Variants in SNX6 observed in about 807,000 individuals in gnomAD.
SNX6 encodes sorting nexin-6.
In SNX6, 34 loss-of-function variants were observed where a neutral mutation model predicts 63.0. The observed-to-expected ratio is 0.54, with a 90% confidence interval of 0.41 to 0.72. SNX6 has a LOEUF of 0.72. Among genes scored for constraint, SNX6 ranks in the 30% least tolerant of loss-of-function variants. The probability of loss-of-function intolerance (pLI) is 0.00; values close to 1 mark genes in which losing one functional copy is unlikely to be tolerated. For synonymous variants in SNX6, 170 were observed against 164.2 expected (o/e 1.04, Z -0.27); for missense variants, 398 against 471.4 (o/e 0.84, Z 1.44).
chr14:34,630,079 TC>T, intron 1 of SNX6, 31 bp downstream of exon 1: 1 of 1,452,422 alleles, frequency 6.9e-7, no homozygotes, highest in African/African-American at 1.5e-5. Flanking sequence ...CCCACCGCGC[TC>T]CCGGGACTCG....
At chr14:34,619,182 G>A (rs1883532559) in intron 2 of SNX6, among the ~76,000 whole-genome samples, 3 of 152,152 alleles carry the variant, frequency 2.0e-5, no homozygotes, top group Admixed American at 1.3e-4. Context: ...CCAACACTTT[G>A]GGAGGCCAAG....
At chr14:34,598,151 A>T (rs544262200) in intron 6 of SNX6, among the ~76,000 whole-genome samples, 1 of 152,296 alleles carries the variant, frequency 6.6e-6, no homozygotes, top group Non-Finnish European at 1.5e-5. Flanking sequence ...TTAATAGCAC[A>T]AGGGACACAA....
chr14:34,573,873 C>T (rs1594698603), intron 11 of SNX6, among the ~76,000 whole-genome samples: 1 of 151,718 alleles, frequency 6.6e-6, no homozygotes, highest in Non-Finnish European at 1.5e-5. Flanking sequence ...GAACTGCTGA[C>T]CTTGTGATCC....
intron 11 of SNX6, 31 bp from the exon 12 acceptor site, chr14:34,568,044 T>G (rs766624633): frequency 4.4e-6 from 7 of 1,587,640 alleles, no homozygotes. Context: ...CAATAGTATA[T>G]ATACTGCATG....
intron 5 of SNX6, among the ~76,000 whole-genome samples, 188 bp from the exon 6 acceptor site, chr14:34,603,659 G>T (rs1377138745): frequency 6.6e-6 from 1 of 151,910 alleles, no homozygotes; most frequent in African/African-American, 2.4e-5. Flanking sequence ...CTTTGAAAAA[G>T]GTTTCATGCC....
intron 6 of SNX6, among the ~76,000 whole-genome samples, chr14:34,598,364 T>A (rs1882680461): frequency 6.6e-6 from 1 of 152,182 alleles, no homozygotes; most frequent in Non-Finnish European, 1.5e-5. Flanking sequence ...ATGGTCTGAA[T>A]GTATGTGTCC....
chr14:34,569,427 T>G (rs1008153791), intron 11 of SNX6, among the ~76,000 whole-genome samples: 2 of 152,080 alleles, frequency 1.3e-5, no homozygotes, highest in African/African-American at 2.4e-5. Flanking sequence ...ACATGTTTTT[T>G]TTTTTTGTTT....
At position 34,593,145 on chromosome 14, in the gene SNX6, T is replaced by C. The variant is rs200095909; in HGVS notation, c.618A>G (p.Val206=). 4.9e-5 allele frequency: 77 copies of C among 1,583,384 alleles called. No individual in the cohort carries two copies. The East Asian group carries it at 4.9e-4, about 10-fold the overall frequency. ...TTCGTTCGTGCTCAAAGAAATCATCTACATCCTATAAGATCAAAAGAAAAT... is the reference window on the plus strand; with the variant it reads ...TTCGTTCGTGCTCAAAGAAATCATCCACATCCTATAAGATCAAAAGAAAAT... ...DGVIVSGVKD[V]DDFFEHERTF... The change falls in exon 8 of 14, where the codon GTA becomes GTG. Residue 206 remains valine, a synonymous_variant. Coordinates refer to ENST00000362031, the MANE Select transcript of SNX6 (RefSeq NM_152233.4).
At chr14:34,623,547 A>G (rs1442993381) in intron 2 of SNX6, among the ~76,000 whole-genome samples, 1 of 152,212 alleles carries the variant, frequency 6.6e-6, no homozygotes, top group Non-Finnish European at 1.5e-5. Flanking sequence ...TAGAAAGACT[A>G]AAGACAGAGA....
At chr14:34,605,911 C>A (rs1320167241) in intron 4 of SNX6, among the ~76,000 whole-genome samples, 194 bp from the exon 5 acceptor site, 1 of 152,040 alleles carries the variant, frequency 6.6e-6, no homozygotes, top group African/African-American at 2.4e-5. Context: ...CAATGGCTCA[C>A]GCCTGTAATC....
intron 3 of SNX6, 119 bp downstream of exon 3, chr14:34,609,519 A>G (rs555543881): frequency 2.8e-5 from 14 of 495,426 alleles, no homozygotes; most frequent in Admixed American, 7.5e-5. Flanking sequence ...ATTTTCCTAC[A>G]TCTATTTTTG....
chr14:34,610,535 A>T (rs192188519), intron 2 of SNX6, among the ~76,000 whole-genome samples: 2 of 152,282 alleles, frequency 1.3e-5, no homozygotes, highest in East Asian at 3.9e-4. Flanking sequence ...GGAATATACA[A>T]TGAAACTATC....
intron 1 of SNX6, 44 bp from the exon 2 acceptor site, chr14:34,629,998 T>C (rs1211163966): frequency 6.6e-7 from 1 of 1,517,412 alleles, no homozygotes; most frequent in African/African-American, 1.4e-5. Flanking sequence ...AAGGATGAGA[T>C]GGGGGAGACA....
chr14:34,564,983 A>G (rs1180372187), intron 13 of SNX6, among the ~76,000 whole-genome samples: 1 of 152,178 alleles, frequency 6.6e-6, no homozygotes, highest in Non-Finnish European at 1.5e-5. Flanking sequence ...AGCCACAAGC[A>G]TAAATGAATG....
In SNX6 at chr14:34,562,943, A is replaced by G. The variant is rs1880994910; in HGVS notation, c.*179T>C. The G allele has an allele frequency of 1.6e-6, 1 of 629,668 alleles. No individual in the cohort carries two copies. Among genetic ancestry groups the G allele is most frequent in the Non-Finnish European group, 2.8e-6 (1 of 352,938 alleles). The allele number at this position is 629,668 out of a possible 1,614,324, so 39.0% of individuals were successfully genotyped here. A position where few individuals can be genotyped will look rare whatever the true frequency, so the allele number is the denominator to read the frequency against. On this transcript the variant is annotated 3_prime_UTR_variant, in exon 14 of 14. Coordinates refer to ENST00000362031, the MANE Select transcript of SNX6 (RefSeq NM_152233.4). The stretch of plus-strand genomic sequence containing the variant: ...GGAACACAGTGCGGCATCACGGCAC[A>G]CAGACTGGCATCGCCTGGGCGTGCG...
chr14:34,584,922 G>A (rs1882092507), intron 9 of SNX6, among the ~76,000 whole-genome samples: 1 of 151,574 alleles, frequency 6.6e-6, no homozygotes, highest in South Asian at 2.1e-4. Context: ...CTGTGATCTC[G>A]GCTCAACGCA....
intron 7 of SNX6, among the ~76,000 whole-genome samples, chr14:34,593,853 C>T (rs1025943886): frequency 6.6e-6 from 1 of 151,674 alleles, no homozygotes. Context: ...GCTGGAATTA[C>T]AGATGTGACC....
rs1713792482 is a variant in SNX6, at chr14:34,592,953, A to G, written c.718+92T>C. 26 of 881,080 alleles carry G rather than the reference A, an allele frequency of 3.0e-5. No individual in the cohort carries two copies. In the South Asian group the frequency reaches 3.9e-4, roughly 13 times the overall value. 54.6% of individuals were successfully genotyped at this position (881,080 alleles called of 1,614,324 possible). On this transcript the variant is annotated intron_variant, in intron 8 of 13. Coordinates refer to ENST00000362031, the MANE Select transcript of SNX6 (RefSeq NM_152233.4). The stretch of plus-strand genomic sequence containing the variant: ...GCTCCAACAGACCAGTTTGAGAACT[A>G]CTGCTCTATATTAAGACTTTTTCAA...
chr14:34,562,954 T>C lies in SNX6; in HGVS notation c.*168A>G, dbSNP rs1880995794. ...CGGCATCACGGCACACAGACTGGCA[T>C]CGCCTGGGCGTGCGCTGCTCCATGT... On this transcript the variant is annotated 3_prime_UTR_variant, in exon 14 of 14. Transcript: ENST00000362031. The C allele has an allele frequency of 1.5e-6, 1 of 650,800 alleles. No homozygotes were observed. Among genetic ancestry groups the C allele is most frequent in the Non-Finnish European group, 2.7e-6 (1 of 369,920 alleles). 40.3% of individuals were successfully genotyped at this position (650,800 alleles called of 1,614,324 possible). A position where few individuals can be genotyped will look rare whatever the true frequency, so the allele number is the denominator to read the frequency against.
Sources: allele counts gnomAD v4.1 joint callset (sites outside exome capture counted in the v4.1 genomes callset), GRCh38; gene constraint gnomAD v4.1.1; transcripts MANE v1.5; gene names NCBI Gene and HGNC (gene_info 2026-07-23, HGNC 2026-07-21).